ZBTB44: variants seen among roughly 807,000 people sequenced by gnomAD.
ZBTB44 encodes the protein zinc finger and BTB domain-containing protein 44.
ZBTB44 carries 15 observed loss-of-function variants against 54.0 expected under a neutral mutation model. The observed-to-expected ratio is 0.28, with a 90% CI of 0.19 to 0.43. The LOEUF (loss-of-function observed/expected upper bound fraction) is 0.43, where lower values mean the gene tolerates loss of function less well. Among genes scored for constraint, ZBTB44 ranks in the 20% least tolerant of loss-of-function variants. ZBTB44 has a pLI of 1.00. For missense variants in ZBTB44, 487 were observed against 707.1 expected (o/e 0.69, Z 3.53); for synonymous variants, 230 against 250.1 (o/e 0.92, Z 0.76).
At chr11:130,277,583 G>T (rs1414705341) in intron 1 of ZBTB44, among the ~76,000 whole-genome samples, 1 of 151,792 alleles carries the variant, frequency 6.6e-6, no homozygotes, top group Non-Finnish European at 1.5e-5. Flanking sequence ...TTTGTTATGG[G>T]ATCAGCATTA....
At position 130,230,276 on chromosome 11, in the gene ZBTB44, A is replaced by G. The variant is rs1248806405; in HGVS notation, c.*1488T>C. On this transcript the variant is annotated 3_prime_UTR_variant, in exon 8 of 8. Transcript: ENST00000357899. Reference sequence around the variant, plus strand: ...TTTAATACAGCTTCCAAAGGCTCCCAAGAGAACCATTTATAAACTGGGAGA... The same window carrying G: ...TTTAATACAGCTTCCAAAGGCTCCCGAGAGAACCATTTATAAACTGGGAGA... 6.6e-6 allele frequency: 1 copy of G among 152,054 alleles called. No individual in the cohort carries two copies. The highest frequency in any genetic ancestry group is 6.5e-5 in the Admixed American group (1 of 15,270). 9.4% of individuals were successfully genotyped at this position (152,054 alleles called of 1,614,324 possible).
chr11:130,292,486 A>G (rs1382477596), intron 1 of ZBTB44, among the ~76,000 whole-genome samples: 1 of 152,214 alleles, frequency 6.6e-6, no homozygotes, highest in Non-Finnish European at 1.5e-5. Flanking sequence ...GAGTACATAC[A>G]CTGGTATGCA....
intron 1 of ZBTB44, among the ~76,000 whole-genome samples, chr11:130,282,739 G>T (rs576946458): frequency 6.6e-6 from 1 of 152,094 alleles, no homozygotes; most frequent in African/African-American, 2.4e-5. Flanking sequence ...CACCTTAAAC[G>T]GTTCACATTT....
chr11:130,311,634 A>C (rs1942612905), intron 1 of ZBTB44, among the ~76,000 whole-genome samples: 1 of 152,208 alleles, frequency 6.6e-6, no homozygotes, highest in Admixed American at 6.5e-5. Flanking sequence ...TGATTAAACA[A>C]GCAAAAACCT....
rs1310732059 is a variant in ZBTB44 at position 130,268,762 on chromosome 11, T to A, written c.-56-6833A>T. On this transcript the variant is annotated intron_variant, in intron 1 of 7. Transcript: ENST00000357899. ...CCTGGCTAATTTTTTGTAATTTTAG[T>A]AGAGATGGGGTTTCACCATGTTGGC... 2.0e-5 allele frequency among the ~76,000 whole-genome samples: 3 copies of A among 151,666 alleles called. 1 individual carries two copies. In the South Asian group the frequency reaches 6.2e-4, roughly 32 times the overall value.
intron 2 of ZBTB44, among the ~76,000 whole-genome samples, chr11:130,260,618 T>C (rs1308890241): frequency 6.6e-6 from 1 of 152,248 alleles, no homozygotes; most frequent in African/African-American, 2.4e-5. Context: ...TGCTTTTTTG[T>C]GTATGTGTAT....
chr11:130,259,347 T>C (rs1938679924), intron 2 of ZBTB44, among the ~76,000 whole-genome samples: 1 of 152,242 alleles, frequency 6.6e-6, no homozygotes, highest in Non-Finnish European at 1.5e-5. Flanking sequence ...GCTTTTACAC[T>C]GTTGGTGGGA....
intron 1 of ZBTB44, among the ~76,000 whole-genome samples, chr11:130,303,245 C>T (rs188353381): frequency 1.2e-4 from 18 of 152,312 alleles, no homozygotes; most frequent in African/African-American, 4.1e-4. Context: ...CAGAGACTCA[C>T]AGTCTTAGTT....
chr11:130,303,385 C>G (rs775121465), intron 1 of ZBTB44, among the ~76,000 whole-genome samples: 1 of 152,208 alleles, frequency 6.6e-6, no homozygotes, highest in Non-Finnish European at 1.5e-5. Context: ...CGTTTAATCC[C>G]GGCACTTTAG....
intron 7 of ZBTB44, 109 bp downstream of exon 7, chr11:130,233,199 G>C (rs1381463937): frequency 7.0e-7 from 1 of 1,432,520 alleles, no homozygotes; most frequent in Admixed American, 2.1e-5. Flanking sequence ...GGGGAAAACT[G>C]ATCCGGGCAA....
At chr11:130,277,837 T>C (rs753097722) in intron 1 of ZBTB44, among the ~76,000 whole-genome samples, 1 of 152,162 alleles carries the variant, frequency 6.6e-6, no homozygotes, top group Non-Finnish European at 1.5e-5. Flanking sequence ...GGACAGTCTT[T>C]ATTTTGCTTT....
chr11:130,239,445 G>A lies in ZBTB44; in HGVS notation c.1103+367C>T, dbSNP rs1954257793. 3 of 229,120 alleles carry A rather than the reference G, an allele frequency of 1.3e-5. No homozygotes were observed. In the Admixed American group the frequency reaches 1.6e-4, roughly 12 times the overall value. The allele number at this position is 229,120 out of a possible 1,614,324, so 14.2% of individuals were successfully genotyped here. A position where few individuals can be genotyped will look rare whatever the true frequency, so the allele number is the denominator to read the frequency against. On this transcript the variant is annotated intron_variant, in intron 3 of 7. Coordinates refer to ENST00000357899, the MANE Select transcript of ZBTB44 (RefSeq NM_001301098.2). ...TCTGACTTTGCACACCATACAGTCT[G>A]TTTCAACCACTCAACTCTGCCATCC...
chr11:130,283,035 CTTTTTTTT>C (rs531030883), intron 1 of ZBTB44, among the ~76,000 whole-genome samples: 3 of 102,384 alleles, frequency 2.9e-5, no homozygotes, highest in East Asian at 2.9e-4. Context: ...CCATTCTAAC[CTTTTTTTT>C]TTTTTTTTTT....
chr11:130,248,953 T>C (rs1591950768), intron 2 of ZBTB44, among the ~76,000 whole-genome samples: 1 of 151,030 alleles, frequency 6.6e-6, no homozygotes, highest in Admixed American at 6.6e-5. Context: ...AAAATACAAA[T>C]ATTAGCTGGG....
intron 1 of ZBTB44, among the ~76,000 whole-genome samples, chr11:130,291,729 G>C (rs1005104235): frequency 1.3e-5 from 2 of 152,056 alleles, no homozygotes; most frequent in African/African-American, 4.8e-5. Context: ...TCTCTCCAAG[G>C]ATTATTCCAA....
At chr11:130,250,155 C>T (rs1032578005) in intron 2 of ZBTB44, among the ~76,000 whole-genome samples, 14 of 152,262 alleles carry the variant, frequency 9.2e-5, no homozygotes, top group East Asian at 1.9e-4. Flanking sequence ...CTGGAAGTTC[C>T]AACTGGGCAG....
At chr11:130,286,593 A>G (rs778218419) in intron 1 of ZBTB44, among the ~76,000 whole-genome samples, 3 of 152,250 alleles carry the variant, frequency 2.0e-5, no homozygotes, top group Non-Finnish European at 2.9e-5. Context: ...ATTAATTAAA[A>G]GAATTATAGT....
rs1939576075 is a variant in ZBTB44 at position 130,270,324 on chromosome 11, C to A, written c.-56-8395G>T. Among the ~76,000 whole-genome samples, 3 of 152,116 alleles carry A rather than the reference C, an allele frequency of 2.0e-5. No individual in the cohort carries two copies. The South Asian group carries it at 6.2e-4, about 32-fold the overall frequency. ...GGACAGAAAAGGTTAAGGAGAGGGG[C>A]ATATAAGTTTAAGATGCCTGTAAGA... On this transcript the variant is annotated intron_variant, in intron 1 of 7. Transcript: ENST00000357899.
chr11:130,301,104 G>A (rs767168171), intron 1 of ZBTB44, among the ~76,000 whole-genome samples: 6 of 152,102 alleles, frequency 3.9e-5, no homozygotes, highest in African/African-American at 4.8e-5. Flanking sequence ...ATGGTATAAG[G>A]TCCCTAGATA....
Sources: allele counts gnomAD v4.1 joint callset (sites outside exome capture counted in the v4.1 genomes callset), GRCh38; gene constraint gnomAD v4.1.1; transcripts MANE v1.5; gene names NCBI Gene and HGNC (gene_info 2026-07-23, HGNC 2026-07-21).